The following BRDT variants were observed in gnomAD, a reference collection of about 807,000 sequenced individuals.
BRDT encodes the protein bromodomain testis associated, also known as bromodomain testis-specific protein.
In BRDT, 77 loss-of-function variants were observed where a neutral mutation model predicts 113.9. The observed-to-expected ratio is 0.68, with a 90% confidence interval of 0.56 to 0.82. BRDT has a LOEUF of 0.82. Among genes scored for constraint, BRDT ranks in the 40% least tolerant of loss-of-function variants. BRDT has a pLI of 0.00. For synonymous variants in BRDT, 358 were observed against 366.5 expected, an observed-to-expected ratio of 0.98 and a Z score of 0.26; for missense variants, 1,027 against 1,105.4, an observed-to-expected ratio of 0.93 and a Z score of 1.01.
At chr1:92,013,029 G>T (rs1035850462) in intron 18 of BRDT, among the ~76,000 whole-genome samples, 27 of 151,552 alleles carry the variant, frequency 1.8e-4, no homozygotes, top group Non-Finnish European at 3.2e-4. Context: ...ACGCCAGCCT[G>T]GCCAATGTGG....
intron 3 of BRDT, 139 bp downstream of exon 3, chr1:91,964,903 G>A (rs71650477): frequency 0.16 from 48,051 of 301,204 alleles, 5,166 homozygotes; most frequent in Admixed American, 0.2. Flanking sequence ...GTGTGTGTGT[G>A]TATATAATTT....
At chr1:91,973,945 C>T (rs1025646219) in intron 4 of BRDT, among the ~76,000 whole-genome samples, 1 of 152,082 alleles carries the variant, frequency 6.6e-6, no homozygotes, top group African/African-American at 2.4e-5. Flanking sequence ...GAGATACAGA[C>T]CAATGGAACA....
intron 11 of BRDT, 75 bp downstream of exon 11, chr1:91,981,456 G>T: frequency 6.6e-7 from 1 of 1,505,028 alleles, no homozygotes; most frequent in Non-Finnish European, 9.1e-7. Flanking sequence ...TATTGCCCAG[G>T]CTGGTCTTGA....
Position 91,962,927 on chromosome 1 carries a change from C to T in BRDT, c.173C>T (p.Ala58Val). 1 of 1,597,624 alleles carries T rather than the reference C, an allele frequency of 6.3e-7. No homozygotes were observed. The highest frequency in any genetic ancestry group is 8.5e-7 in the Non-Finnish European group (1 of 1,174,264). The stretch of plus-strand genomic sequence containing the variant: ...TGGCCCTTTCAACGTCCTGTGGATG[C>T]TGTGAAACTACAGTTGCCTGTATGT... ...FSWPFQRPVD[A>V]VKLQLPDYYT... The change falls in exon 2 of 19, where the codon GCT (alanine) becomes GTT (valine). Residue 58 changes from alanine to valine, a missense_variant. Coordinates refer to ENST00000399546, the MANE Select transcript of BRDT (RefSeq NM_207189.4).
rs1395640784 is a variant in BRDT at position 92,002,056 on chromosome 1, T to C, written c.2295T>C (p.Ser765=). The C allele has an allele frequency of 4.3e-6, 7 of 1,610,944 alleles. No individual in the cohort carries two copies. In the South Asian group the frequency reaches 7.7e-5, roughly 18 times the overall value. ...AAAAATGTGTGCATCCAGGTGATTC[T>C]GAACAGCTCTCAAATGGCATAACTG... is the stretch of plus-strand genomic sequence containing the variant. ...PLQILPPSGD[S]EQLSNGITVM... is the part of the protein sequence containing the mutation. The change falls in exon 16 of 19, where the codon TCT becomes TCC. Residue 765 remains serine (S), a synonymous_variant. Coordinates refer to ENST00000399546, the MANE Select transcript of BRDT (RefSeq NM_207189.4).
intron 5 of BRDT, among the ~76,000 whole-genome samples, chr1:91,976,758 T>C (rs750608605): frequency 2.6e-5 from 4 of 152,156 alleles, no homozygotes; most frequent in Non-Finnish European, 5.9e-5. Context: ...GTTCAGAAAC[T>C]TTTTTTGGTA....
At chr1:91,981,491 A>C (rs1308217042) in intron 11 of BRDT, 110 bp downstream of exon 11, 2 of 1,523,362 alleles carry the variant, frequency 1.3e-6, no homozygotes, top group African/African-American at 1.4e-5. Flanking sequence ...GTGATCCTCC[A>C]CCTTGGCCTC....
chr1:91,968,365 A>G (rs1358723024), intron 4 of BRDT, 105 bp downstream of exon 4: 1 of 1,430,350 alleles, frequency 7.0e-7, no homozygotes, highest in African/African-American at 1.4e-5. Context: ...CAGAAGTCCT[A>G]CATCCTATTC....
intron 12 of BRDT, among the ~76,000 whole-genome samples, chr1:91,989,318 TTTG>T (rs1487717255): frequency 6.6e-6 from 1 of 152,154 alleles, no homozygotes; most frequent in African/African-American, 2.4e-5. Context: ...CTTTTTGGTT[TTTG>T]TTGTTTTTTT....
At chr1:91,991,991 C>CAA (rs764759925) in intron 13 of BRDT, among the ~76,000 whole-genome samples, 13 of 67,738 alleles carry the variant, frequency 1.9e-4, no homozygotes, top group Admixed American at 2.4e-4. Context: ...GACTCTGTCT[C>CAA]AAAAAAAAAA....
At position 92,005,312 on chromosome 1, in the gene BRDT, T is replaced by G. The variant is rs1234045349; in HGVS notation, c.2775+13T>G. The G allele has an allele frequency of 6.6e-7, 1 of 1,521,240 alleles. No individual in the cohort carries two copies. Among genetic ancestry groups the G allele is most frequent in the Non-Finnish European group, 8.8e-7 (1 of 1,140,592 alleles). The allele number at this position is 1,521,240 out of a possible 1,614,324, so 94.2% of individuals were successfully genotyped here. A position where few individuals can be genotyped will look rare whatever the true frequency, so the allele number is the denominator to read the frequency against. On this transcript the variant is annotated intron_variant, in intron 18 of 18. Transcript: ENST00000399546. Reference sequence around the variant, plus strand: ...GAGGAGAGAAGCAGTAAGTGAATTTTAGTTTACTAAATCTAATTTAACAAG... The same window carrying G: ...GAGGAGAGAAGCAGTAAGTGAATTTGAGTTTACTAAATCTAATTTAACAAG...
At position 91,981,650 on chromosome 1, in the gene BRDT, A is replaced by G; in HGVS notation, c.1897A>G (p.Asn633Asp). 6.2e-7 allele frequency: 1 copy of G among 1,614,084 alleles called. No homozygotes were observed. ...DKTQPSKAVE[N>D]VSRLSESSSS... is the part of the protein sequence containing the mutation. ...AACGCAACCATCCAAAGCTGTTGAA[A>G]ATGTTTCCCGACTGAGTGAGAGCAG... The change falls in exon 12 of 19, where the codon AAT (asparagine) becomes GAT (aspartate). Residue 633 changes from asparagine (N) to aspartate (D), a missense_variant. Transcript: ENST00000399546.
intron 4 of BRDT, among the ~76,000 whole-genome samples, chr1:91,976,044 A>C (rs1684108084): frequency 6.6e-6 from 1 of 152,226 alleles, no homozygotes; most frequent in African/African-American, 2.4e-5. Context: ...TTTTTGAATA[A>C]AACTGATAAA....
intron 4 of BRDT, among the ~76,000 whole-genome samples, chr1:91,973,350 T>C (rs1042226680): frequency 5.3e-5 from 8 of 152,126 alleles, no homozygotes; most frequent in African/African-American, 1.9e-4. Context: ...GGGATGGCAT[T>C]GAATCTATAA....
At chr1:91,982,788 G>A (rs754313127) in intron 12 of BRDT, among the ~76,000 whole-genome samples, 3 of 152,108 alleles carry the variant, frequency 2.0e-5, no homozygotes, top group Admixed American at 6.6e-5. Context: ...AGAATAAACA[G>A]AATTTTTACT....
In BRDT at chr1:91,969,823, G is replaced by GT. The variant is rs66466350; in HGVS notation, c.445+1585dup. ...TTTTTTTGTTTTTGTGTGTGTGTGT[G>GT]TTTTTTTTTTTTTTTTTTTTTTGAG... On this transcript the variant is annotated intron_variant, in intron 4 of 18. Transcript: ENST00000399546. 6.2e-3 allele frequency among the ~76,000 whole-genome samples: 439 copies of GT among 71,140 alleles called. 7 individuals carry two copies. Among genetic ancestry groups the GT allele is most frequent in the African/African-American group, 0.015 (301 of 20,164 alleles). The allele number at this position is 71,140 out of a possible 152,430, so 46.7% of individuals were successfully genotyped here. A position where few individuals can be genotyped will look rare whatever the true frequency, so the allele number is the denominator to read the frequency against.
chr1:91,968,961 A>C (rs1683343725), intron 4 of BRDT, among the ~76,000 whole-genome samples: 2 of 150,606 alleles, frequency 1.3e-5, no homozygotes, highest in South Asian at 4.2e-4. Flanking sequence ...TTTGAGACGG[A>C]GTCTTCACTC....
intron 4 of BRDT, among the ~76,000 whole-genome samples, chr1:91,974,576 AATGAG>A (rs1195431243): frequency 6.6e-6 from 1 of 152,254 alleles, no homozygotes; most frequent in Non-Finnish European, 1.5e-5. Flanking sequence ...TCAAAACCAC[AATGAG>A]ATATCATCTC....
chr1:91,986,688 G>A (rs1308176780), intron 12 of BRDT, among the ~76,000 whole-genome samples: 1 of 151,984 alleles, frequency 6.6e-6, no homozygotes, highest in East Asian at 1.9e-4. Context: ...CATCAAACAG[G>A]AATAAATAAA....
Sources: gnomAD v4.1 joint callset for allele counts (sites outside exome capture counted in the v4.1 genomes callset) on GRCh38, gnomAD v4.1.1 for gene constraint, MANE v1.5 for transcripts, NCBI Gene and HGNC (gene_info 2026-07-23, HGNC 2026-07-21) for gene names.